HOMER2: variants seen among roughly 807,000 people sequenced by gnomAD.
HOMER2 encodes the protein homer scaffold protein 2.
In HOMER2, 27 loss-of-function variants were observed where a neutral mutation model predicts 47.0. The ratio of observed to expected loss-of-function variants is 0.57; its 90% CI spans 0.42 to 0.79. HOMER2 has a LOEUF of 0.79. Ranked by LOEUF, HOMER2 falls within the 30% of genes least tolerant of loss-of-function variation. HOMER2 has a pLI of 0.00. For missense variants in HOMER2, 443 were observed against 435.0 expected (o/e 1.02, Z -0.16); for synonymous variants, 161 against 163.8 (o/e 0.98, Z 0.13).
chr15:82,840,164 C>T (rs2051162139), exon 2 of HOMER2: 1 of 152,018 alleles, frequency 6.6e-6, no homozygotes, highest in African/African-American at 2.4e-5. Context: ...ATGTTAGTAA[C>T]TGTCTTTTAT....
At chr15:82,977,621 A>T (rs1232329790) in intron 1 of HOMER2, among the ~76,000 whole-genome samples, 2 of 152,202 alleles carry the variant, frequency 1.3e-5, no homozygotes, top group Non-Finnish European at 2.9e-5. Flanking sequence ...TGTCAGCCTC[A>T]GTGCTAGGTG....
intron 1 of HOMER2, among the ~76,000 whole-genome samples, chr15:82,903,204 T>G (rs1380635001): frequency 6.6e-6 from 1 of 152,176 alleles, no homozygotes; most frequent in Non-Finnish European, 1.5e-5. Context: ...GGGCCTGGCC[T>G]AGAGCGGTAG....
At position 82,906,519 on chromosome 15, in the gene HOMER2, G is replaced by A. The variant is rs539775859; in HGVS notation, c.6-13678C>T. ...TCAATCTCGGCTCACTGCAACCTCC[G>A]CCTCCCGGGTTCAAGTGATTCTCCT... On this transcript the variant is annotated intron_variant, in intron 1 of 8. Coordinates refer to ENST00000450735, the MANE Select transcript of HOMER2 (RefSeq NM_004839.4). 4.7e-3 allele frequency among the ~76,000 whole-genome samples: 704 copies of A among 150,532 alleles called. 11 individuals are homozygous for A. Among genetic ancestry groups the A allele is most frequent in the South Asian group, 0.016 (75 of 4,760 alleles).
chr15:82,892,938 G>C (rs1249515993), intron 1 of HOMER2, 97 bp from the exon 2 acceptor site: 7 of 957,728 alleles, frequency 7.3e-6, no homozygotes, highest in Non-Finnish European at 8.7e-6. Flanking sequence ...ATTTTAAATA[G>C]CTTATAGGGA....
At chr15:82,948,118 A>G (rs2054421665) in intron 1 of HOMER2, among the ~76,000 whole-genome samples, 3 of 152,118 alleles carry the variant, frequency 2.0e-5, no homozygotes, top group East Asian at 1.9e-4. Flanking sequence ...GTGGCCGGGC[A>G]TGGTGGCTGA....
downstream of HOMER2, among the ~76,000 whole-genome samples, chr15:82,848,551 G>A (rs556057500): frequency 3.3e-5 from 5 of 152,326 alleles, no homozygotes; most frequent in African/African-American, 4.8e-5. Context: ...AAGGCAGGAC[G>A]CAGAGCTGGG....
chr15:82,974,868 G>A (rs751030260), intron 1 of HOMER2, among the ~76,000 whole-genome samples: 20 of 152,182 alleles, frequency 1.3e-4, no homozygotes, highest in Non-Finnish European at 2.5e-4. Flanking sequence ...TCAGGAGTTC[G>A]ACACCAGCCT....
chr15:82,910,132 CAAAAAAAAAAAAAAAA>C (rs35191408), intron 1 of HOMER2, among the ~76,000 whole-genome samples: 2 of 22,140 alleles, frequency 9.0e-5, no homozygotes, highest in African/African-American at 1.2e-4. Context: ...GATTCTGTCT[CAAAAAAAAAAAAAAAA>C]AAAAAAAAAA....
intron 1 of HOMER2, among the ~76,000 whole-genome samples, chr15:82,950,597 C>A (rs2054485506): frequency 1.3e-5 from 2 of 152,116 alleles, no homozygotes; most frequent in African/African-American, 4.8e-5. Context: ...AATTTACGAC[C>A]ATGGCTTGTA....
chr15:82,893,012 G>T (rs535516889), intron 1 of HOMER2, among the ~76,000 whole-genome samples, 171 bp from the exon 2 acceptor site: 3 of 152,312 alleles, frequency 2.0e-5, no homozygotes, highest in African/African-American at 7.2e-5. Context: ...AGAGACACCA[G>T]TGAGTAGTTT....
At chr15:82,865,246 C>T (rs1320511640) in intron 3 of HOMER2, among the ~76,000 whole-genome samples, 2 of 152,194 alleles carry the variant, frequency 1.3e-5, no homozygotes, top group African/African-American at 2.4e-5. Context: ...AATCACATTA[C>T]CTGTTGCTTA....
intron 1 of HOMER2, among the ~76,000 whole-genome samples, chr15:82,949,718 T>A (rs986580130): frequency 6.6e-6 from 1 of 152,178 alleles, no homozygotes; most frequent in African/African-American, 2.4e-5. Context: ...TGAGAGCAAC[T>A]AAAGCTATGC....
chr15:82,849,701 G>A lies in HOMER2; in HGVS notation c.*14C>T, dbSNP rs938541913. 7 of 1,608,838 alleles carry A rather than the reference G, an allele frequency of 4.4e-6. No homozygotes were observed. The African/African-American group carries it at 8.0e-5, about 18-fold the overall frequency. ...GCTTGGGACTCACGGGCGGGGCCTG[G>A]GCCTCGGCCAGCCCTAGTTATCGGT... On this transcript the variant is annotated 3_prime_UTR_variant, in exon 9 of 9. Coordinates refer to ENST00000450735, the MANE Select transcript of HOMER2 (RefSeq NM_004839.4).
chr15:82,904,062 G>A (rs988570984), intron 1 of HOMER2, among the ~76,000 whole-genome samples: 4 of 152,140 alleles, frequency 2.6e-5, no homozygotes, highest in Non-Finnish European at 4.4e-5. Context: ...GCTTGGGCCC[G>A]GGAGGTGGAG....
At chr15:82,858,879 G>T in intron 5 of HOMER2, 150 bp downstream of exon 5, 1 of 843,134 alleles carries the variant, frequency 1.2e-6, no homozygotes, top group Non-Finnish European at 1.8e-6. Flanking sequence ...GAAGCCAGCT[G>T]GCCTTCCTTT....
intron 1 of HOMER2, among the ~76,000 whole-genome samples, chr15:82,915,963 GTCT>G (rs1350670535): frequency 6.6e-6 from 1 of 152,182 alleles, no homozygotes; most frequent in African/African-American, 2.4e-5. Flanking sequence ...TGGAAAGATG[GTCT>G]TCTTTTCTTT....
intron 3 of HOMER2, among the ~76,000 whole-genome samples, chr15:82,872,780 T>G (rs535293274): frequency 1.3e-5 from 2 of 152,268 alleles, no homozygotes; most frequent in East Asian, 1.9e-4. Context: ...TGGTGCCACA[T>G]GCACAGCAGA....
intron 2 of HOMER2, among the ~76,000 whole-genome samples, chr15:82,881,758 T>C (rs2052528762): frequency 6.6e-6 from 1 of 152,166 alleles, no homozygotes; most frequent in African/African-American, 2.4e-5. Context: ...ACCATCACAA[T>C]CAGGCAGCAC....
intron 3 of HOMER2, among the ~76,000 whole-genome samples, chr15:82,866,004 C>A (rs2051953136): frequency 1.3e-5 from 2 of 152,194 alleles, no homozygotes; most frequent in Non-Finnish European, 2.9e-5. Flanking sequence ...GGGGCACTGT[C>A]TAGTGGAGCT....
Sources: gnomAD v4.1 joint callset for allele counts (sites outside exome capture counted in the v4.1 genomes callset) on GRCh38, gnomAD v4.1.1 for gene constraint, MANE v1.5 for transcripts, NCBI Gene and HGNC (gene_info 2026-07-23, HGNC 2026-07-21) for gene names.